The following FANCM variants were observed in gnomAD, a reference collection of about 807,000 sequenced individuals.
FANCM encodes FA complementation group M, also known as Fanconi anemia group M protein.
Under a neutral mutation model 199.5 loss-of-function variants are expected in FANCM, and 140 were observed. The observed-to-expected ratio is 0.70, with a 90% CI of 0.61 to 0.81. The LOEUF is 0.81. Among genes scored for constraint, FANCM ranks in the 30% least tolerant of loss-of-function variants. The pLI is 0.00. For synonymous variants in FANCM, 840 were observed against 836.8 expected (o/e 1.00, Z -0.07); for missense variants, 2,410 against 2,421.4 (o/e 1.00, Z 0.10).
chr14:45,191,127 T>C (rs552693015), intron 20 of FANCM, among the ~76,000 whole-genome samples: 3 of 152,250 alleles, frequency 2.0e-5, no homozygotes, highest in Non-Finnish European at 4.4e-5. Flanking sequence ...CTTTTTCATA[T>C]ATGACGTGTC....
intron 9 of FANCM, among the ~76,000 whole-genome samples, chr14:45,162,618 A>AAG (rs1157705244): frequency 6.6e-6 from 1 of 152,176 alleles, no homozygotes; most frequent in African/African-American, 2.4e-5. Context: ...CCAGTAATAA[A>AAG]CAGTTCATGG....
In FANCM at chr14:45,149,114, G is replaced by GA. The variant is rs1341377877; in HGVS notation, c.918+125dup. ...CTTATTTTTATATAATTGATATGTT[G>GA]AAAAAATTCTTTGAAGTTAAAATTT... On this transcript the variant is annotated intron_variant, in intron 4 of 22. Transcript: ENST00000267430. 2.6e-5 allele frequency: 24 copies of GA among 924,914 alleles called. No individual in the cohort carries two copies. The African/African-American group carries it at 3.9e-4, about 15-fold the overall frequency. 57.3% of individuals were successfully genotyped at this position (924,914 alleles called of 1,614,324 possible).
In FANCM at chr14:45,155,426, G is replaced by C. The variant is rs1887112493; in HGVS notation, c.1363G>C (p.Glu455Gln). 1 of 1,496,240 alleles carries C rather than the reference G, an allele frequency of 6.7e-7. No homozygotes were observed. The highest frequency in any genetic ancestry group is 1.4e-5 in the African/African-American group (1 of 72,662). The allele number at this position is 1,496,240 out of a possible 1,614,324, so 92.7% of individuals were successfully genotyped here. The change falls in exon 8 of 23, where the codon GAA becomes CAA. Residue 455 changes from glutamate (E) to glutamine (Q), a missense_variant. Transcript: ENST00000267430. The part of the protein sequence containing the change: ...YSHPKLKKLE[E>Q]VVIEHFKSWN... ...TCATCCAAAGTTAAAGAAATTAGAA[G>C]AAGTTGTAATTGAACACTTCAAGTC... is the stretch of plus-strand genomic sequence containing the variant.
intron 7 of FANCM, among the ~76,000 whole-genome samples, chr14:45,155,031 A>G (rs535170129): frequency 6.6e-6 from 1 of 152,204 alleles, no homozygotes; most frequent in South Asian, 2.1e-4. Context: ...ACTTCTTCAA[A>G]CAAGTTTACA....
rs753432761 is a variant in FANCM, at chr14:45,181,655, G to C, written c.4336G>C (p.Val1446Leu). 1.2e-6 allele frequency: 2 copies of C among 1,611,662 alleles called. No homozygotes were observed. Among genetic ancestry groups the C allele is most frequent in the Non-Finnish European group, 1.7e-6 (2 of 1,178,290 alleles). The change falls in exon 16 of 23, where the codon GTT becomes CTT. Residue 1446 changes from valine (V) to leucine (L), a missense_variant. Coordinates refer to ENST00000267430, the MANE Select transcript of FANCM (RefSeq NM_020937.4). ...NSPEDQKNSE[V>L]DSPLHAVKKR... ...ACTTTAGGATCAGAAAAATAGTGAA[G>C]TTGATTCTCCACTTCATGCTGTCAA...
intron 3 of FANCM, among the ~76,000 whole-genome samples, chr14:45,146,267 G>A (rs1886377105): frequency 1.4e-5 from 2 of 146,198 alleles, no homozygotes; most frequent in South Asian, 4.4e-4. Context: ...AAAGGATTGT[G>A]TTTCCTACCT....
At chr14:45,160,317 TC>T (rs1887506911) in intron 9 of FANCM, among the ~76,000 whole-genome samples, 1 of 149,370 alleles carries the variant, frequency 6.7e-6, no homozygotes, top group Admixed American at 6.7e-5. Flanking sequence ...CTTCTTCTTT[TC>T]TTTTTTTTTT....
At chr14:45,139,323 A>C (rs1885748642) in intron 2 of FANCM, among the ~76,000 whole-genome samples, 1 of 152,214 alleles carries the variant, frequency 6.6e-6, no homozygotes, top group South Asian at 2.1e-4. Context: ...GTATTAATCA[A>C]GATTCAGTGT....
chr14:45,158,245 A>T (rs1311953615), intron 8 of FANCM, among the ~76,000 whole-genome samples: 1 of 152,136 alleles, frequency 6.6e-6, no homozygotes, highest in Non-Finnish European at 1.5e-5. Context: ...TGCAATAATT[A>T]GCCAATTACT....
chr14:45,159,803 C>T (rs769163226), intron 9 of FANCM, among the ~76,000 whole-genome samples: 37 of 151,936 alleles, frequency 2.4e-4, no homozygotes, highest in Non-Finnish European at 3.7e-4. Flanking sequence ...AGAGGACATT[C>T]GGTTTTCTAA....
At position 45,175,416 on chromosome 14, in the gene FANCM, A is replaced by G. The variant is rs755964806; in HGVS notation, c.2662A>G (p.Asn888Asp). The G allele has an allele frequency of 1.9e-6, 3 of 1,580,740 alleles. No homozygotes were observed. In the African/African-American group the frequency reaches 4.1e-5, roughly 22 times the overall value. Residue 888 changes from asparagine (N) to aspartate (D), a missense_variant, in exon 14 of 23, where the codon AAT (asparagine) becomes GAT (aspartate). By Grantham distance (23) the Asn-to-Asp change is conservative (BLOSUM62 1). Coordinates refer to ENST00000267430, the MANE Select transcript of FANCM (RefSeq NM_020937.4). ...VDNDRNSTVE[N>D]IFQEDLPNDK... ...TAATGACAGAAATTCCACTGTTGAAAATATTTTTCAAGAAGACCTACCAAA... is the reference window on the plus strand; with the variant it reads ...TAATGACAGAAATTCCACTGTTGAAGATATTTTTCAAGAAGACCTACCAAA...
chr14:45,177,895 A>T (rs1005497364), intron 14 of FANCM, among the ~76,000 whole-genome samples: 33 of 152,212 alleles, frequency 2.2e-4, no homozygotes, highest in African/African-American at 7.0e-4. Flanking sequence ...TGTATTCAGA[A>T]GATTGAGACC....
Position 45,159,291 on chromosome 14 carries a change from T to C in FANCM, c.1581+11T>C. 1 of 1,600,082 alleles carries C rather than the reference T, an allele frequency of 6.2e-7. No individual in the cohort carries two copies. On this transcript the variant is annotated intron_variant, in intron 9 of 22. Coordinates refer to ENST00000267430, the MANE Select transcript of FANCM (RefSeq NM_020937.4). Reference sequence around the variant, plus strand: ...AAGGAGCAACTGGAGGTAATTATTTTTGGAATTGATAAAAATAAAAATAAG... The same window carrying C: ...AAGGAGCAACTGGAGGTAATTATTTCTGGAATTGATAAAAATAAAAATAAG...
At chr14:45,158,794 G>A (rs997316262) in intron 8 of FANCM, among the ~76,000 whole-genome samples, 28 of 152,046 alleles carry the variant, frequency 1.8e-4, no homozygotes, top group Middle Eastern at 3.2e-3. Context: ...AGAGAATATA[G>A]TTTAAAAAAT....
intron 3 of FANCM, among the ~76,000 whole-genome samples, chr14:45,143,281 G>A (rs896663317): frequency 4.6e-5 from 7 of 151,156 alleles, no homozygotes; most frequent in African/African-American, 1.2e-4. Flanking sequence ...GTTCTCCCAC[G>A]TCAGCCTCCT....
chr14:45,153,408 C>T (rs1053581026), intron 5 of FANCM, among the ~76,000 whole-genome samples: 1 of 152,158 alleles, frequency 6.6e-6, no homozygotes, highest in Non-Finnish European at 1.5e-5. Context: ...TTTCACAGGA[C>T]GTATACTTGG....
In FANCM at chr14:45,159,185, CT is replaced by C; in HGVS notation, c.1489del (p.Ser497HisfsTer9). 1 of 1,613,190 alleles carries C rather than the reference CT, an allele frequency of 6.2e-7. No individual in the cohort carries two copies. Among genetic ancestry groups the C allele is most frequent in the Non-Finnish European group, 8.5e-7 (1 of 1,179,258 alleles). On this transcript the variant is annotated frameshift_variant, in exon 9 of 23. Transcript: ENST00000267430. LOFTEE classifies it high-confidence loss of function. ...RDSVQEIAEM[L>X]SQHQPIIRVM... ...TAGTGTTCAAGAAATTGCAGAAATG[CT>C]TTCACAGCATCAGCCAATTATTAGA...
At position 45,151,433 on chromosome 14, in the gene FANCM, A is replaced by G; in HGVS notation, c.955A>G (p.Asn319Asp). The G allele has an allele frequency of 6.2e-7, 1 of 1,613,500 alleles. No individual in the cohort carries two copies. The highest frequency in any genetic ancestry group is 1.1e-5 in the South Asian group (1 of 91,072). ...ESFARSLIQR[N>D]VLMRRDIPNL... ...ATTTGCTCGTTCTTTGATTCAGAGG[A>G]ATGTTTTGATGAGAAGGGATATCCC... Residue 319 changes from asparagine (N) to aspartate (D), a missense_variant, in exon 5 of 23, where the codon AAT becomes GAT. Physicochemically the swap from Asn to Asp is conservative, Grantham distance 23 (BLOSUM62 1). Transcript: ENST00000267430.
intron 2 of FANCM, among the ~76,000 whole-genome samples, chr14:45,139,463 C>G (rs1885756447): frequency 6.6e-6 from 1 of 152,122 alleles, no homozygotes; most frequent in South Asian, 2.1e-4. Context: ...GCAAATCAGT[C>G]TACTTGGAAG....
Sources: allele counts gnomAD v4.1 joint callset (sites outside exome capture counted in the v4.1 genomes callset), GRCh38; gene constraint gnomAD v4.1.1; transcripts MANE v1.5; gene names NCBI Gene and HGNC (gene_info 2026-07-23, HGNC 2026-07-21).